Variants in YME1L1 observed in about 807,000 individuals in gnomAD.
YME1L1 encodes the protein YME1 like 1 ATPase, also known as ATP-dependent zinc metalloprotease YME1L1.
Under a neutral mutation model 90.4 loss-of-function variants are expected in YME1L1, and 39 were observed. The observed-to-expected ratio is 0.43, with a 90% CI of 0.33 to 0.56. YME1L1 has a LOEUF of 0.56. Ranked by LOEUF, YME1L1 falls within the 20% of genes least tolerant of loss-of-function variation. The pLI is 0.03. For synonymous variants in YME1L1, 284 were observed against 287.3 expected, an observed-to-expected ratio of 0.99 and a Z score of 0.12; for missense variants, 617 against 868.4, an observed-to-expected ratio of 0.71 and a Z score of 3.64.
At chr10:27,119,892 C>T (rs2056849292) in intron 13 of YME1L1, among the ~76,000 whole-genome samples, 1 of 151,736 alleles carries the variant, frequency 6.6e-6, no homozygotes, top group Non-Finnish European at 1.5e-5. Flanking sequence ...ATAGTTTAGT[C>T]ACTTTTTCTC....
chr10:27,141,201 G>GC (rs1173134520), intron 4 of YME1L1, among the ~76,000 whole-genome samples: 1 of 152,046 alleles, frequency 6.6e-6, no homozygotes, highest in Non-Finnish European at 1.5e-5. Context: ...TCTGAGACCA[G>GC]CCCGGCCAAC....
At chr10:27,139,845 T>C (rs2057067694) in intron 4 of YME1L1, among the ~76,000 whole-genome samples, 1 of 152,238 alleles carries the variant, frequency 6.6e-6, no homozygotes, top group Non-Finnish European at 1.5e-5. Flanking sequence ...TTTCCTGTTG[T>C]TTCTTAATCA....
intron 9 of YME1L1, 55 bp downstream of exon 9, chr10:27,126,641 T>C (rs1278923803): frequency 2.0e-6 from 2 of 981,370 alleles, no homozygotes; most frequent in Non-Finnish European, 3.0e-6. Flanking sequence ...TTTTTTTGTT[T>C]GTTTCTTTGT....
At chr10:27,143,157 G>A (rs1335078681) in intron 3 of YME1L1, among the ~76,000 whole-genome samples, 1 of 148,912 alleles carries the variant, frequency 6.7e-6, no homozygotes, top group African/African-American at 2.5e-5. Context: ...ATAACCTGAG[G>A]TTGGGAGTTT....
At chr10:27,114,788 G>A (rs1194496048) in intron 17 of YME1L1, among the ~76,000 whole-genome samples, 181 bp from the exon 18 acceptor site, 2 of 152,156 alleles carry the variant, frequency 1.3e-5, no homozygotes, top group African/African-American at 2.4e-5. Context: ...AGGATTTTGG[G>A]AGGCCGAGGC....
At chr10:27,132,203 C>T (rs1588599364) in intron 7 of YME1L1, among the ~76,000 whole-genome samples, 3 of 152,084 alleles carry the variant, frequency 2.0e-5, no homozygotes, top group Admixed American at 6.6e-5. Context: ...CAGGTTCAAG[C>T]GATTCTCCTG....
At chr10:27,123,749 C>T in intron 9 of YME1L1, 50 bp from the exon 10 acceptor site, 1 of 1,540,340 alleles carries the variant, frequency 6.5e-7, no homozygotes, top group Non-Finnish European at 8.8e-7. Context: ...TAAAAAATCC[C>T]TCGATATGAA....
chr10:27,119,215 TG>T lies in YME1L1; in HGVS notation c.1567+78del. Reference sequence around the variant, plus strand: ...CAACATAGCCATGGCTTTAGCTGTTTGAATAGAGTATTTGCCCCTAAATGAA... The same window carrying T: ...CAACATAGCCATGGCTTTAGCTGTTTAATAGAGTATTTGCCCCTAAATGAA... On this transcript the variant is annotated intron_variant, in intron 14 of 18. Coordinates refer to ENST00000376016, the MANE Select transcript of YME1L1 (RefSeq NM_014263.4). 3.0e-6 allele frequency: 4 copies of T among 1,355,390 alleles called. 1 individual carries two copies. The South Asian group carries it at 4.9e-5, about 17-fold the overall frequency. 84.0% of individuals were successfully genotyped at this position (1,355,390 alleles called of 1,614,324 possible). A position where few individuals can be genotyped will look rare whatever the true frequency, so the allele number is the denominator to read the frequency against.
rs2056856401 is a variant in YME1L1 at position 27,120,491 on chromosome 10, A to G, written c.1355T>C (p.Val452Ala). Reference sequence around the variant, plus strand: ...TTTCAAAATTTCTGTTCGACCTTTTACATCTGGCCTTGGAACTGTAACTTG... The same window carrying G: ...TTTCAAAATTTCTGTTCGACCTTTTGCATCTGGCCTTGGAACTGTAACTTG... ...DMQVTVPRPD[V>A]KGRTEILKWY... Residue 452 changes from valine to alanine, a missense_variant, in exon 13 of 19, where the codon GTA becomes GCA. By Grantham distance (64) the Val-to-Ala change is moderately conservative. Coordinates refer to ENST00000376016, the MANE Select transcript of YME1L1 (RefSeq NM_014263.4). 1 of 1,613,794 alleles carries G rather than the reference A, an allele frequency of 6.2e-7. No individual in the cohort carries two copies. Among genetic ancestry groups the G allele is most frequent in the Admixed American group, 1.7e-5 (1 of 59,984 alleles).
intron 13 of YME1L1, 127 bp downstream of exon 13, chr10:27,120,308 G>T: frequency 1.5e-6 from 1 of 656,436 alleles, no homozygotes; most frequent in Non-Finnish European, 2.5e-6. Context: ...ACATACTAAT[G>T]GAAAAAAAAA....
chr10:27,115,276 C>G (rs536492485), intron 17 of YME1L1, among the ~76,000 whole-genome samples: 9 of 151,778 alleles, frequency 5.9e-5, no homozygotes, highest in African/African-American at 2.2e-4. Context: ...CAAAAAAACA[C>G]TAATATCAAA....
At chr10:27,148,818 G>A in intron 2 of YME1L1, 88 bp downstream of exon 2, 1 of 1,538,612 alleles carries the variant, frequency 6.5e-7, no homozygotes, top group Non-Finnish European at 8.8e-7. Flanking sequence ...TGACTACGGG[G>A]GAGGGACAAT....
chr10:27,127,958 A>G (rs2056938046), intron 8 of YME1L1, among the ~76,000 whole-genome samples: 1 of 152,242 alleles, frequency 6.6e-6, no homozygotes, highest in Non-Finnish European at 1.5e-5. Context: ...AATAATAGAT[A>G]TAATTCCAAT....
intron 14 of YME1L1, among the ~76,000 whole-genome samples, chr10:27,118,210 A>G (rs937871013): frequency 3.3e-5 from 5 of 152,196 alleles, no homozygotes; most frequent in Non-Finnish European, 7.3e-5. Context: ...TCTTAGCCTC[A>G]AGCAATCCAC....
intron 3 of YME1L1, among the ~76,000 whole-genome samples, chr10:27,145,065 C>T (rs560160046): frequency 8.5e-5 from 13 of 152,168 alleles, no homozygotes; most frequent in African/African-American, 1.2e-4. Flanking sequence ...GGTGTGAACC[C>T]GGGAGGCGGA....
chr10:27,149,419 G>A (rs777969513), intron 1 of YME1L1, among the ~76,000 whole-genome samples: 51 of 152,084 alleles, frequency 3.4e-4, no homozygotes, highest in Non-Finnish European at 6.0e-4. Context: ...CAAAACAAAT[G>A]ATACCACTGG....
chr10:27,147,447 T>C lies in YME1L1; in HGVS notation c.168+1459A>G, dbSNP rs1457502886. The stretch of plus-strand genomic sequence containing the variant: ...TGAACTAAGCCGTGACTAAGAACGA[T>C]GGACAAAACAAATCATAGACAATAG... On this transcript the variant is annotated intron_variant, in intron 2 of 18. Transcript: ENST00000376016. 23 of 1,614,022 alleles carry C rather than the reference T, an allele frequency of 1.4e-5. 2 individuals are homozygous for C. In the Admixed American group the frequency reaches 2.2e-4, roughly 15 times the overall value.
At chr10:27,138,359 T>C (rs1404239086) in intron 4 of YME1L1, among the ~76,000 whole-genome samples, 1 of 152,140 alleles carries the variant, frequency 6.6e-6, no homozygotes, top group Non-Finnish European at 1.5e-5. Flanking sequence ...ATTTCCCAAG[T>C]GGGTCATTAG....
chr10:27,126,279 C>T (rs144776797), intron 9 of YME1L1, among the ~76,000 whole-genome samples: 266 of 151,980 alleles, frequency 1.8e-3, no homozygotes, highest in African/African-American at 6.0e-3. Context: ...CTCATCTCTA[C>T]AAAAAATACA....
Sources: gnomAD v4.1 joint callset for allele counts (sites outside exome capture counted in the v4.1 genomes callset) on GRCh38, gnomAD v4.1.1 for gene constraint, MANE v1.5 for transcripts, NCBI Gene and HGNC (gene_info 2026-07-23, HGNC 2026-07-21) for gene names.